The following RTN1 variants were observed in gnomAD, a reference collection of about 807,000 sequenced individuals.
RTN1 encodes reticulon-1.
In RTN1, 25 loss-of-function variants were observed where a neutral mutation model predicts 65.5. The observed-to-expected ratio is 0.38, with a 90% CI of 0.28 to 0.53. The LOEUF is 0.53. Ranked by LOEUF, RTN1 falls within the 20% of genes least tolerant of loss-of-function variation. The pLI is 0.79. For synonymous variants in RTN1, 471 were observed against 447.6 expected, an observed-to-expected ratio of 1.05 and a Z score of -0.66; for missense variants, 983 against 1,025.4, an observed-to-expected ratio of 0.96 and a Z score of 0.57.
intron 3 of RTN1, among the ~76,000 whole-genome samples, chr14:59,617,263 G>A (rs1674024898): frequency 2.0e-5 from 3 of 152,308 alleles, no homozygotes; most frequent in South Asian, 2.1e-4. Context: ...AGTAAAGAAT[G>A]TCACTTTATA....
intron 3 of RTN1, among the ~76,000 whole-genome samples, chr14:59,638,143 C>T (rs527968363): frequency 1.3e-4 from 16 of 127,304 alleles, no homozygotes; most frequent in East Asian, 9.6e-4. Context: ...TGAGCCACTG[C>T]GCCCAGCCAC....
At chr14:59,687,934 G>A (rs1256426349) in intron 3 of RTN1, among the ~76,000 whole-genome samples, 1 of 152,126 alleles carries the variant, frequency 6.6e-6, no homozygotes, top group Non-Finnish European at 1.5e-5. Flanking sequence ...CAGAGAGCCT[G>A]TTTGCCTAGG....
intron 1 of RTN1, among the ~76,000 whole-genome samples, chr14:59,867,556 T>C (rs1887821321): frequency 6.6e-6 from 1 of 152,222 alleles, no homozygotes; most frequent in Non-Finnish European, 1.5e-5. Flanking sequence ...GCAGTTTTAA[T>C]AATGTTTAAA....
At chr14:59,701,796 T>C (rs994349806) in intron 3 of RTN1, among the ~76,000 whole-genome samples, 1 of 152,188 alleles carries the variant, frequency 6.6e-6, no homozygotes, top group Non-Finnish European at 1.5e-5. Context: ...GGTACTGAAT[T>C]GTACACTTTA....
chr14:59,628,030 TCACTAAGAATTATTACA>T (rs1266282933), intron 3 of RTN1, among the ~76,000 whole-genome samples: 1 of 151,830 alleles, frequency 6.6e-6, no homozygotes, highest in Non-Finnish European at 1.5e-5. Flanking sequence ...TGGGTTTGGC[TCACTAAGAATTATTACA>T]CACCATGCCG....
chr14:59,680,838 G>A (rs1248327233), intron 3 of RTN1, among the ~76,000 whole-genome samples: 1 of 152,040 alleles, frequency 6.6e-6, no homozygotes, highest in Non-Finnish European at 1.5e-5. Flanking sequence ...AAAGTGATAG[G>A]CATCTTTATG....
intron 1 of RTN1, among the ~76,000 whole-genome samples, chr14:59,811,772 C>T (rs1886733574): frequency 6.6e-6 from 1 of 152,162 alleles, no homozygotes; most frequent in African/African-American, 2.4e-5. Context: ...ATGGTATTTG[C>T]TAGTATCTGT....
chr14:59,830,399 G>C (rs1005372594), intron 1 of RTN1, among the ~76,000 whole-genome samples: 2 of 152,170 alleles, frequency 1.3e-5, no homozygotes, highest in African/African-American at 4.8e-5. Context: ...ATAACGTCAA[G>C]GAAGCTTAGG....
chr14:59,723,681 T>C (rs1385380405), intron 3 of RTN1, among the ~76,000 whole-genome samples: 5 of 152,164 alleles, frequency 3.3e-5, no homozygotes, highest in Admixed American at 2.6e-4. Flanking sequence ...CTTTAAAGTG[T>C]ATAAGAATCA....
At chr14:59,792,841 G>C (rs888319092) in intron 1 of RTN1, among the ~76,000 whole-genome samples, 3 of 152,086 alleles carry the variant, frequency 2.0e-5, no homozygotes, top group Non-Finnish European at 4.4e-5. Context: ...ATTTTTCTTA[G>C]TGAAGGGAAT....
chr14:59,636,048 A>G (rs1352395199), intron 3 of RTN1, among the ~76,000 whole-genome samples: 1 of 152,236 alleles, frequency 6.6e-6, no homozygotes, highest in Non-Finnish European at 1.5e-5. Context: ...GGAAACTATC[A>G]GATTGGATGA....
intron 3 of RTN1, among the ~76,000 whole-genome samples, chr14:59,618,898 CAT>C (rs1234874083): frequency 6.6e-6 from 1 of 152,164 alleles, no homozygotes; most frequent in African/African-American, 2.4e-5. Flanking sequence ...ATGAAGAAAT[CAT>C]AAAATTTGGA....
chr14:59,671,403 T>C lies in RTN1; in HGVS notation c.1765+55516A>G, dbSNP rs180915731. Reference sequence around the variant, plus strand: ...TGGAAGGAAGATTACTTGTAACTCATATACAAACCAAAGAGCAGAGAAAAA... The same window carrying C: ...TGGAAGGAAGATTACTTGTAACTCACATACAAACCAAAGAGCAGAGAAAAA... On this transcript the variant is annotated intron_variant, in intron 3 of 8. Transcript: ENST00000267484. Among the ~76,000 whole-genome samples, 3 of 152,208 alleles carry C rather than the reference T, an allele frequency of 2.0e-5. No individual in the cohort carries two copies. The South Asian group carries it at 6.2e-4, about 31-fold the overall frequency.
rs939363402 is a variant in RTN1, at chr14:59,846,556, T to C, written c.241+23834A>G. Among the ~76,000 whole-genome samples the C allele has an allele frequency of 6.6e-6, 1 of 152,112 alleles. No homozygotes were observed. Among genetic ancestry groups the C allele is most frequent in the Admixed American group, 6.6e-5 (1 of 15,258 alleles). On this transcript the variant is annotated intron_variant, in intron 1 of 8. Transcript: ENST00000267484. The surrounding 1 kb of genome is among the most constrained non-coding windows in gnomAD (Gnocchi z 4.8). ...CTCAGTGGTTACCAAGTAAGCATAATGGAAAAAGAAGAGTAAGTGTGTATC... is the reference window on the plus strand; with the variant it reads ...CTCAGTGGTTACCAAGTAAGCATAACGGAAAAAGAAGAGTAAGTGTGTATC...
intron 3 of RTN1, among the ~76,000 whole-genome samples, chr14:59,662,078 A>G (rs1883260403): frequency 6.6e-6 from 1 of 152,304 alleles, no homozygotes; most frequent in East Asian, 1.9e-4. Context: ...CAGGATACAA[A>G]ATCAATGTGC....
At chr14:59,747,862 G>A (rs1456027573) in intron 1 of RTN1, among the ~76,000 whole-genome samples, 17 of 151,884 alleles carry the variant, frequency 1.1e-4, no homozygotes, top group Non-Finnish European at 2.9e-5. Flanking sequence ...AATATCAAAG[G>A]TCTTAAGACA....
At chr14:59,717,996 T>C (rs992837606) in intron 3 of RTN1, among the ~76,000 whole-genome samples, 1 of 152,248 alleles carries the variant, frequency 6.6e-6, no homozygotes, top group African/African-American at 2.4e-5. Context: ...CCGGGAATTC[T>C]GTATTTCAAC....
chr14:59,649,371 CCAAAAGCAATGGCAA>C (rs1882975231), intron 3 of RTN1, among the ~76,000 whole-genome samples: 1 of 152,098 alleles, frequency 6.6e-6, no homozygotes, highest in South Asian at 2.1e-4. Flanking sequence ...GACTGAAACA[CCAAAAGCAATGGCAA>C]CAAAAGCCAA....
chr14:59,667,612 C>A (rs1040178706), intron 3 of RTN1, among the ~76,000 whole-genome samples: 1 of 152,066 alleles, frequency 6.6e-6, no homozygotes, highest in African/African-American at 2.4e-5. Flanking sequence ...CTGGCCAGGG[C>A]AATCAGGCAA....
Sources: allele counts gnomAD v4.1 joint callset (sites outside exome capture counted in the v4.1 genomes callset), GRCh38; gene constraint gnomAD v4.1.1; non-coding constraint Gnocchi (gnomAD v3.1); transcripts MANE v1.5; gene names NCBI Gene and HGNC (gene_info 2026-07-23, HGNC 2026-07-21).